DCST1: variants seen among roughly 807,000 people sequenced by gnomAD.
DCST1 encodes the protein DC-STAMP domain containing 1, also known as E3 ubiquitin-protein ligase DCST1.
In DCST1, 78 loss-of-function variants were observed where a neutral mutation model predicts 89.1. The observed-to-expected ratio is 0.88, with a 90% CI of 0.73 to 1.06. DCST1 has a LOEUF of 1.06. Ranked by LOEUF, DCST1 falls within the 50% of genes least tolerant of loss-of-function variation. The pLI, the probability that DCST1 is intolerant of heterozygous loss-of-function variation, is 0.00. For missense variants in DCST1, 900 were observed against 928.6 expected (o/e 0.97, Z 0.40); for synonymous variants, 364 against 371.9 (o/e 0.98, Z 0.24).
At position 155,043,472 on chromosome 1, in the gene DCST1, G is replaced by A. The variant is rs147171565; in HGVS notation, c.1135G>A (p.Val379Met). The change falls in exon 10 of 17, where the codon GTG becomes ATG. Residue 379 changes from valine to methionine, a missense_variant. Coordinates refer to ENST00000295542, the MANE Select transcript of DCST1 (RefSeq NM_152494.4). ...RLEWALGLLH[V>M]LLSCTFLLVL... Reference sequence around the variant, plus strand: ...GGAGTGGGCCCTGGGGCTGCTGCACGTGCTGCTCTCCTGCACTTTCCTGCT... The same window carrying A: ...GGAGTGGGCCCTGGGGCTGCTGCACATGCTGCTCTCCTGCACTTTCCTGCT... 6.2e-6 allele frequency: 10 copies of A among 1,608,960 alleles called. No individual in the cohort carries two copies. The highest frequency in any genetic ancestry group is 2.7e-5 in the African/African-American group (2 of 74,928).
intron 16 of DCST1, among the ~76,000 whole-genome samples, 163 bp downstream of exon 16, chr1:155,048,333 C>T (rs1267636654): frequency 6.6e-6 from 1 of 152,188 alleles, no homozygotes; most frequent in Non-Finnish European, 1.5e-5. Flanking sequence ...ACTGTGTCGC[C>T]CAGGCTGGAG....
chr1:155,050,665 C>T lies in DCST1; in HGVS notation c.1918C>T (p.Arg640Cys). ...ILHRGCPLLR[R>C]WLCRRCVVCQ... ...GCACCGCGGCTGCCCGCTCCTGCGC[C>T]GCTGGCTGTGCCGGCGCTGCGTGGT... The change falls in exon 17 of 17, where the codon CGC (arginine) becomes TGC (cysteine). Residue 640 changes from arginine to cysteine, a missense_variant. Transcript: ENST00000295542. The T allele has an allele frequency of 6.2e-7, 1 of 1,601,088 alleles. No individual in the cohort carries two copies. Among genetic ancestry groups the T allele is most frequent in the South Asian group, 1.1e-5 (1 of 90,000 alleles).
At chr1:155,039,269 T>A in intron 4 of DCST1, 134 bp from the exon 5 acceptor site, 1 of 1,072,476 alleles carries the variant, frequency 9.3e-7, no homozygotes. Context: ...TCTATCAGAG[T>A]CAGTGTAAAT....
chr1:155,038,631 GA>G lies in DCST1; in HGVS notation c.263-770del, dbSNP rs1198547936. Among the ~76,000 whole-genome samples the G allele has an allele frequency of 1.3e-5, 2 of 152,188 alleles. 1 individual carries two copies. The highest frequency in any genetic ancestry group is 2.9e-5 in the Non-Finnish European group (2 of 68,040). On this transcript the variant is annotated intron_variant, in intron 4 of 16. Transcript: ENST00000295542. ...CAGCTTATACTGTTCCTTTGGCCTG[GA>G]ATGCCATCTGCACCTCCTAACAACA...
Position 155,041,559 on chromosome 1 carries a change from C to G in DCST1, c.694C>G (p.Leu232Val). Residue 232 changes from leucine to valine, a missense_variant, in exon 7 of 17, where the codon CTC (leucine) becomes GTC (valine). Physicochemically the swap from Leu to Val is conservative, Grantham distance 32. Coordinates refer to ENST00000295542, the MANE Select transcript of DCST1 (RefSeq NM_152494.4). ...GGCCCGCCAAGCCCCAGCCTCCAGA[C>G]TCCACCTGTCGACACAGAAGATGTA... Reference protein sequence around the residue: ...REARQAPASRLHLSTQKMYEL... With the variant: ...REARQAPASRVHLSTQKMYEL... The G allele has an allele frequency of 6.2e-7, 1 of 1,614,164 alleles. No individual in the cohort carries two copies. Among genetic ancestry groups the G allele is most frequent in the Non-Finnish European group, 8.5e-7 (1 of 1,180,048 alleles).
intron 4 of DCST1, among the ~76,000 whole-genome samples, chr1:155,035,958 T>C (rs1355218236): frequency 7.3e-6 from 1 of 137,880 alleles, no homozygotes; most frequent in Non-Finnish European, 1.5e-5. Context: ...AGAAGTTCAA[T>C]CCCAGGCCCA....
At chr1:155,039,578 G>A in intron 5 of DCST1, 47 bp downstream of exon 5, 2 of 1,488,390 alleles carry the variant, frequency 1.3e-6, no homozygotes, top group Non-Finnish European at 1.8e-6. Flanking sequence ...GTGACCCTGG[G>A]TGGGTCATCC....
intron 12 of DCST1, 53 bp downstream of exon 12, chr1:155,046,273 G>A (rs1383011736): frequency 6.2e-7 from 1 of 1,613,980 alleles, no homozygotes; most frequent in Non-Finnish European, 8.5e-7. Flanking sequence ...GCCTGAAGGT[G>A]AGGGTGGAGG....
intron 16 of DCST1, chr1:155,049,359 C>T (rs959207401): frequency 1.9e-5 from 7 of 371,194 alleles, no homozygotes; most frequent in African/African-American, 1.5e-4. Context: ...TCAGTTTTCT[C>T]ACCTGAAAAA....
At position 155,046,452 on chromosome 1, in the gene DCST1, C is replaced by T; in HGVS notation, c.1461C>T (p.Ile487=). The T allele has an allele frequency of 6.2e-7, 1 of 1,614,090 alleles. No homozygotes were observed. The highest frequency in any genetic ancestry group is 8.5e-7 in the Non-Finnish European group (1 of 1,180,026). Residue 487 remains isoleucine, a synonymous_variant, in exon 13 of 17, where the codon ATC becomes ATT. Coordinates refer to ENST00000295542, the MANE Select transcript of DCST1 (RefSeq NM_152494.4). ...DWALYSIFDT[I]RHHSFLQYSF... ...CTCTCTACTCCATCTTCGACACCAT[C>T]CGCCACCACTCCTTCCTGCAGTACT...
chr1:155,044,886 G>T (rs768442652), intron 10 of DCST1, among the ~76,000 whole-genome samples: 9 of 152,196 alleles, frequency 5.9e-5, no homozygotes, highest in African/African-American at 1.2e-4. Flanking sequence ...GGTAGAGCAT[G>T]GCAGGAAGAT....
rs772198333 is a variant in DCST1, at chr1:155,041,795, C to T, written c.830C>T (p.Pro277Leu). 2 of 1,614,240 alleles carry T rather than the reference C, an allele frequency of 1.2e-6. No individual in the cohort carries two copies. Among genetic ancestry groups the T allele is most frequent in the Non-Finnish European group, 1.7e-6 (2 of 1,180,046 alleles). ...HEQCMKHIWVPLLTHLLCLPM... is the reference protein window; with the variant it reads ...HEQCMKHIWVLLLTHLLCLPM... ...CAGTGCATGAAGCACATCTGGGTCC[C>T]ACTCCTCACCCACCTGCTCTGCCTG... Residue 277 changes from proline to leucine, a missense_variant, in exon 8 of 17, where the codon CCA (proline) becomes CTA (leucine). Pro to Leu is a moderately conservative substitution (Grantham distance 98). Transcript: ENST00000295542.
intron 16 of DCST1, 56 bp downstream of exon 16, chr1:155,048,226 G>A (rs1024816707): frequency 7.1e-7 from 1 of 1,412,470 alleles, no homozygotes; most frequent in Non-Finnish European, 9.9e-7. Context: ...AGTACAGCAG[G>A]CAAGGGGCAG....
In DCST1 at chr1:155,045,995, G is replaced by A. The variant is rs764730701; in HGVS notation, c.1272+3G>A. 1.2e-6 allele frequency: 2 copies of A among 1,614,172 alleles called. No homozygotes were observed. Among genetic ancestry groups the A allele is most frequent in the Non-Finnish European group, 1.7e-6 (2 of 1,179,976 alleles). ...TCGATGACCGCAGGAAGAAGCTGGT[G>A]AGTGGGCACGGCACTGCCCGGGGAT... On this transcript the variant is annotated splice_donor_region_variant and intron_variant, in intron 11 of 16. Transcript: ENST00000295542.
Position 155,048,057 on chromosome 1 carries a change from C to T in DCST1, c.1756C>T (p.Arg586Ter), listed in dbSNP as rs148869297. The T allele has an allele frequency of 3.1e-6, 5 of 1,613,870 alleles. No individual in the cohort carries two copies. The highest frequency in any genetic ancestry group is 1.3e-5 in the African/African-American group (1 of 74,990). The change falls in exon 16 of 17, where the codon CGA becomes TGA. Residue 586 changes from arginine (R) to a stop codon, truncating the protein, a stop_gained and splice_region_variant. Transcript: ENST00000295542. LOFTEE classifies it high-confidence loss of function. The part of the protein sequence containing the change: ...RVIAAFYFPK[R>*]EKKRILFLYN... ...TCATTGACCCCCTTCCTGCCCCCAGCGAGAGAAGAAGCGGATCCTGTTCCT... is the reference window on the plus strand; with the variant it reads ...TCATTGACCCCCTTCCTGCCCCCAGTGAGAGAAGAAGCGGATCCTGTTCCT...
Position 155,043,523 on chromosome 1 carries a change from C to T in DCST1, c.1172+14C>T. The T allele has an allele frequency of 6.4e-7, 1 of 1,560,434 alleles. No homozygotes were observed. Among genetic ancestry groups the T allele is most frequent in the Non-Finnish European group, 8.7e-7 (1 of 1,151,754 alleles). Reference sequence around the variant, plus strand: ...GGTCCTGCATGCGTGAGCCATAGTCCCCACCCCAGCAGCCCCTCCTCTGCC... The same window carrying T: ...GGTCCTGCATGCGTGAGCCATAGTCTCCACCCCAGCAGCCCCTCCTCTGCC... On this transcript the variant is annotated intron_variant, in intron 10 of 16. Transcript: ENST00000295542.
rs981025882 is a variant in DCST1 at position 155,046,371 on chromosome 1, C to T, written c.1380C>T (p.Leu460=). 1.2e-6 allele frequency: 2 copies of T among 1,614,116 alleles called. No individual in the cohort carries two copies. Among genetic ancestry groups the T allele is most frequent in the Non-Finnish European group, 1.7e-6 (2 of 1,180,012 alleles). The change falls in exon 13 of 17, where the codon CTC becomes CTT. Residue 460 remains leucine (L), a synonymous_variant. Transcript: ENST00000295542. ...TGCTCCTTGGCCAGGTGAGGGAGCTCCTGGAGACACTGCCCATTCTGCTGC... is the reference window on the plus strand; with the variant it reads ...TGCTCCTTGGCCAGGTGAGGGAGCTTCTGGAGACACTGCCCATTCTGCTGC... ...ASEMSNVVRE[L]LETLPILLLL... is the part of the protein sequence containing the mutation.
chr1:155,044,125 G>A (rs1391470847), intron 10 of DCST1, among the ~76,000 whole-genome samples: 6 of 152,208 alleles, frequency 3.9e-5, no homozygotes, highest in Non-Finnish European at 1.5e-5. Flanking sequence ...AAGTGAGTGG[G>A]TATGTGTGTA....
At chr1:155,037,867 GTCAA>G (rs1660322201) in intron 4 of DCST1, among the ~76,000 whole-genome samples, 1 of 152,266 alleles carries the variant, frequency 6.6e-6, no homozygotes, top group East Asian at 1.9e-4. Flanking sequence ...GCAACTATTT[GTCAA>G]CTATTAGCCT....
Sources: gnomAD v4.1 joint callset for allele counts (sites outside exome capture counted in the v4.1 genomes callset) on GRCh38, gnomAD v4.1.1 for gene constraint, MANE v1.5 for transcripts, NCBI Gene and HGNC (gene_info 2026-07-23, HGNC 2026-07-21) for gene names.